The following USP15 variants were observed in gnomAD, a reference collection of about 807,000 sequenced individuals.
The protein encoded by USP15 is ubiquitin carboxyl-terminal hydrolase 15.
Under a neutral mutation model 127.1 loss-of-function variants are expected in USP15, and 18 were observed. The observed-to-expected ratio is 0.14, with a 90% CI of 0.10 to 0.21. The LOEUF is 0.21. Among genes scored for constraint, USP15 ranks in the 10% least tolerant of loss-of-function variants. The pLI, the probability that USP15 is intolerant of heterozygous loss-of-function variation, is 1.00. For missense variants in USP15, 805 were observed against 1,159.9 expected, an observed-to-expected ratio of 0.69 and a Z score of 4.44; for synonymous variants, 364 against 393.7, an observed-to-expected ratio of 0.92 and a Z score of 0.89.
chr12:62,403,814 C>G (rs1409517842), intron 21 of USP15, among the ~76,000 whole-genome samples: 1 of 151,916 alleles, frequency 6.6e-6, no homozygotes, highest in East Asian at 1.9e-4. Flanking sequence ...CTACAGCAAA[C>G]ATGGGATGAA....
At chr12:62,329,060 T>G (rs1021937002) in intron 6 of USP15, among the ~76,000 whole-genome samples, 1 of 152,228 alleles carries the variant, frequency 6.6e-6, no homozygotes, top group Non-Finnish European at 1.5e-5. Flanking sequence ...AACACTTATA[T>G]TTAATGAATT....
In USP15 at chr12:62,315,851, A is replaced by T. The variant is rs1326487934; in HGVS notation, c.475+935A>T. Among the ~76,000 whole-genome samples, 5 of 152,202 alleles carry T rather than the reference A, an allele frequency of 3.3e-5. No individual in the cohort carries two copies. The East Asian group carries it at 7.7e-4, about 23-fold the overall frequency. The stretch of plus-strand genomic sequence containing the variant: ...TCCTTTTAACCCGTATTTTTTATGA[A>T]ATAGTAGCATTATTCAAGTACTCAG... On this transcript the variant is annotated intron_variant, in intron 4 of 21. Coordinates refer to ENST00000280377, the MANE Select transcript of USP15 (RefSeq NM_001252078.2).
intron 3 of USP15, among the ~76,000 whole-genome samples, chr12:62,309,067 G>A (rs1370027754): frequency 1.3e-5 from 2 of 151,962 alleles, no homozygotes; most frequent in African/African-American, 4.8e-5. Flanking sequence ...AACTTAAGAA[G>A]AAACATTATA....
chr12:62,339,249 A>C (rs541957263), intron 6 of USP15, among the ~76,000 whole-genome samples: 29 of 152,246 alleles, frequency 1.9e-4, no homozygotes, highest in African/African-American at 6.5e-4. Context: ...TTGTATCCTG[A>C]GATTTTGCTG....
intron 6 of USP15, chr12:62,336,560 T>C (rs2137356995): frequency 3.4e-6 from 3 of 872,312 alleles, no homozygotes; most frequent in Non-Finnish European, 4.1e-6. Flanking sequence ...CTGTTAATAT[T>C]TGTCATATTC....
chr12:62,366,662 T>A (rs549849905), intron 8 of USP15, among the ~76,000 whole-genome samples: 19 of 152,328 alleles, frequency 1.2e-4, no homozygotes, highest in Non-Finnish European at 2.5e-4. Flanking sequence ...TTTTTGCCCA[T>A]TCAGTATGAT....
chr12:62,362,092 A>T (rs1488130052), intron 8 of USP15, among the ~76,000 whole-genome samples: 1 of 152,080 alleles, frequency 6.6e-6, no homozygotes, highest in Admixed American at 6.6e-5. Flanking sequence ...TCTCTATTCC[A>T]CTAATGAGGA....
Position 62,355,387 on chromosome 12 carries a change from A to G in USP15, c.827A>G (p.Tyr276Cys). Residue 276 changes from tyrosine (Y) to cysteine (C), a missense_variant, in exon 8 of 22, where the codon TAT becomes TGT. This residue lies in a region of USP15 where 84 missense variants were observed against 107.7 expected (regional missense o/e 0.78). Coordinates refer to ENST00000280377, the MANE Select transcript of USP15 (RefSeq NM_001252078.2). ...TATACCGCTTATAAGAACTATGATT[A>G]TTCGGAACCTGGAAGAAACAATGAA... is the stretch of plus-strand genomic sequence containing the variant. The part of the protein sequence containing the change: ...PSYTAYKNYD[Y>C]SEPGRNNEQP... 1.2e-6 allele frequency: 2 copies of G among 1,611,708 alleles called. No homozygotes were observed. The highest frequency in any genetic ancestry group is 1.7e-6 in the Non-Finnish European group (2 of 1,178,564).
At chr12:62,302,574 AT>A (rs1160808632) in intron 2 of USP15, among the ~76,000 whole-genome samples, 1 of 151,952 alleles carries the variant, frequency 6.6e-6, no homozygotes, top group African/African-American at 2.4e-5. Flanking sequence ...TTTTTTTATG[AT>A]TTTTTTAAGC....
intron 6 of USP15, among the ~76,000 whole-genome samples, chr12:62,330,488 G>A (rs752904214): frequency 6.6e-6 from 1 of 151,676 alleles, no homozygotes; most frequent in Non-Finnish European, 1.5e-5. Flanking sequence ...AGGAGGCTGA[G>A]GCAAGGAGAA....
At chr12:62,326,776 A>G (rs1279239078) in intron 6 of USP15, among the ~76,000 whole-genome samples, 3 of 152,206 alleles carry the variant, frequency 2.0e-5, no homozygotes, top group African/African-American at 7.2e-5. Context: ...TTAAAAAACT[A>G]ATAACAATTT....
chr12:62,391,113 T>G, intron 15 of USP15, 44 bp from the exon 16 acceptor site: 1 of 1,549,006 alleles, frequency 6.5e-7, no homozygotes. Context: ...AATTTAAAAA[T>G]ATAGCATTGG....
At position 62,410,241 on chromosome 12, in the gene USP15, C is replaced by T. The variant is rs1423541604; in HGVS notation, c.*5866C>T. ...AAAAAGACCGCGACCTCCAGCCAGTCATTCAGTTCTTGAACTCCCTAATAG... is the reference window on the plus strand; with the variant it reads ...AAAAAGACCGCGACCTCCAGCCAGTTATTCAGTTCTTGAACTCCCTAATAG... On this transcript the variant is annotated 3_prime_UTR_variant, in exon 22 of 22. Coordinates refer to ENST00000280377, the MANE Select transcript of USP15 (RefSeq NM_001252078.2). 1 of 152,082 alleles carries T rather than the reference C, an allele frequency of 6.6e-6. No homozygotes were observed. Among genetic ancestry groups the T allele is most frequent in the Non-Finnish European group, 1.5e-5 (1 of 67,994 alleles). 9.4% of individuals were successfully genotyped at this position (152,082 alleles called of 1,614,324 possible).
At chr12:62,286,937 C>CA (rs60827285) in intron 1 of USP15, among the ~76,000 whole-genome samples, 54,327 of 128,182 alleles carry the variant, frequency 0.42, 12,084 homozygotes, top group African/African-American at 0.65. Flanking sequence ...AACTCTGTCT[C>CA]AAAAAAAAAA....
At chr12:62,341,062 A>G (rs559723282) in intron 6 of USP15, among the ~76,000 whole-genome samples, 1 of 152,212 alleles carries the variant, frequency 6.6e-6, no homozygotes, top group South Asian at 2.1e-4. Context: ...GTGCTCCTAT[A>G]TTGGGTCCAC....
chr12:62,264,204 G>A (rs901562271), intron 1 of USP15, among the ~76,000 whole-genome samples: 1 of 152,080 alleles, frequency 6.6e-6, no homozygotes, highest in African/African-American at 2.4e-5. Context: ...GGTTGGTCTC[G>A]AACTCCTGGC....
chr12:62,364,267 C>A (rs2066410373), intron 8 of USP15, among the ~76,000 whole-genome samples: 1 of 152,036 alleles, frequency 6.6e-6, no homozygotes. Flanking sequence ...TCCATTATCC[C>A]CAAAATACAA....
At chr12:62,324,549 A>G (rs770916606) in intron 5 of USP15, among the ~76,000 whole-genome samples, 16 of 151,998 alleles carry the variant, frequency 1.1e-4, no homozygotes, top group Non-Finnish European at 2.2e-4. Flanking sequence ...AAATTTATAA[A>G]ACTATATCAG....
At chr12:62,291,195 G>T (rs879775961) in intron 1 of USP15, among the ~76,000 whole-genome samples, 2 of 151,866 alleles carry the variant, frequency 1.3e-5, no homozygotes, top group Non-Finnish European at 2.9e-5. Context: ...TTTCTTTCTC[G>T]AGAATACCTA....
Sources: gnomAD v4.1 joint callset for allele counts (sites outside exome capture counted in the v4.1 genomes callset) on GRCh38, gnomAD v4.1.1 for gene constraint, gnomAD v4.1.1 regional missense constraint, MANE v1.5 for transcripts, NCBI Gene and HGNC (gene_info 2026-07-23, HGNC 2026-07-21) for gene names.